The following TAAR5 variants were observed in gnomAD, a reference collection of about 807,000 sequenced individuals.
TAAR5 encodes the protein trace amine associated receptor 5, also known as trace amine-associated receptor 5.
In TAAR5, 27 loss-of-function variants were observed where a neutral mutation model predicts 21.1. The observed-to-expected ratio is 1.28, with a 90% confidence interval of 0.94 to 1.76. The LOEUF (loss-of-function observed/expected upper bound fraction) is 1.76, where lower values mean the gene tolerates loss of function less well. Among genes scored for constraint, TAAR5 ranks in the 40% most tolerant of loss-of-function variants. The probability of loss-of-function intolerance (pLI) is 0.00; values close to 1 mark genes in which losing one functional copy is unlikely to be tolerated. For missense variants in TAAR5, 495 were observed against 405.6 expected (o/e 1.22, Z -1.89); for synonymous variants, 203 against 167.5 (o/e 1.21, Z -1.64).
the TAAR5 span, among the ~76,000 whole-genome samples, chr6:132,606,954 G>T: frequency 2.0e-5 from 3 of 152,196 alleles, no homozygotes; most frequent in African/African-American, 7.2e-5. Context: ...CCAGCACTTT[G>T]GGAGGCTGAG....
chr6:132,598,693 C>T, the TAAR5 span, among the ~76,000 whole-genome samples: 7 of 152,162 alleles, frequency 4.6e-5, no homozygotes, highest in African/African-American at 9.7e-5. Context: ...TCACAACCTT[C>T]GGTGTGCTGC....
chr6:132,609,309 G>A, the TAAR5 span: 1 of 255,894 alleles, frequency 3.9e-6, no homozygotes, highest in African/African-American at 2.2e-5. Context: ...CTTTCCAGGA[G>A]GATGAGTCAC....
the TAAR5 span, among the ~76,000 whole-genome samples, chr6:132,607,895 G>C: frequency 6.6e-6 from 1 of 152,136 alleles, no homozygotes; most frequent in South Asian, 2.1e-4. Flanking sequence ...AGGAACCAAA[G>C]CCAACACTTT....
At chr6:132,592,439 T>G (rs750212069), upstream of TAAR5, among the ~76,000 whole-genome samples, 31 of 152,250 alleles carry the variant, frequency 2.0e-4, no homozygotes, top group Non-Finnish European at 7.3e-5. Flanking sequence ...TTTGCCTGCC[T>G]TTGAGAGCAC....
chr6:132,591,824 G>T (rs1261885126), upstream of TAAR5, among the ~76,000 whole-genome samples: 1 of 152,320 alleles, frequency 6.6e-6, no homozygotes, highest in Admixed American at 6.5e-5. Context: ...TGATCTCTAT[G>T]TCTCAGATTA....
At chr6:132,599,272 T>C in the TAAR5 span, among the ~76,000 whole-genome samples, 1 of 151,892 alleles carries the variant, frequency 6.6e-6, no homozygotes, top group African/African-American at 2.4e-5. Flanking sequence ...CACCACACAG[T>C]TGTTTTACTT....
In TAAR5 at chr6:132,589,274, T is replaced by C; in HGVS notation, c.413A>G (p.Asp138Gly). The change falls in exon 1 of 1, where the codon GAC becomes GGC. Residue 138 changes from aspartate (D) to glycine (G), a missense_variant. Physicochemically the swap from Asp to Gly is moderately conservative, Grantham distance 94. Coordinates refer to ENST00000258034, the MANE Select transcript of TAAR5 (RefSeq NM_003967.3). The part of the protein sequence containing the change: ...ISIDRHCAIC[D>G]PLLYPSKFTV... The stretch of plus-strand genomic sequence containing the variant: ...GAACTTGGAGGGATAGAGCAGGGGG[T>C]CACAGATGGCACAGTGGCGGTCAAT... The C allele has an allele frequency of 1.2e-6, 2 of 1,610,658 alleles. No homozygotes were observed. The highest frequency in any genetic ancestry group is 1.7e-6 in the Non-Finnish European group (2 of 1,178,248).
At chr6:132,605,619 C>G in the TAAR5 span, among the ~76,000 whole-genome samples, 1 of 152,160 alleles carries the variant, frequency 6.6e-6, no homozygotes, top group Non-Finnish European at 1.5e-5. Flanking sequence ...CATGCACACA[C>G]ACATACACAC....
chr6:132,595,499 G>A, the TAAR5 span: 1 of 152,164 alleles, frequency 6.6e-6, no homozygotes, highest in African/African-American at 2.4e-5. Context: ...TCAGTTCTGT[G>A]TGAGAAAGAC....
chr6:132,589,898 T>C (rs1026818986), upstream of TAAR5, among the ~76,000 whole-genome samples: 6 of 152,130 alleles, frequency 3.9e-5, no homozygotes, highest in African/African-American at 1.4e-4. Flanking sequence ...TGCAGCATAG[T>C]ATTCAAGGTT....
At chr6:132,601,772 C>T in the TAAR5 span, among the ~76,000 whole-genome samples, 1 of 152,056 alleles carries the variant, frequency 6.6e-6, no homozygotes, top group Non-Finnish European at 1.5e-5. Flanking sequence ...GTATGTAAAA[C>T]AACCAAGATT....
the TAAR5 span, among the ~76,000 whole-genome samples, chr6:132,616,459 G>C: frequency 2.0e-5 from 3 of 152,166 alleles, no homozygotes; most frequent in African/African-American, 7.2e-5. Context: ...GAAGACACTG[G>C]ACAGAGTTCT....
At chr6:132,607,169 C>A in the TAAR5 span, among the ~76,000 whole-genome samples, 1 of 151,704 alleles carries the variant, frequency 6.6e-6, no homozygotes, top group East Asian at 1.9e-4. Context: ...GACTCCAGCC[C>A]GGGTGACAGA....
At chr6:132,612,861 T>C in the TAAR5 span, among the ~76,000 whole-genome samples, 1 of 152,204 alleles carries the variant, frequency 6.6e-6, no homozygotes, top group Non-Finnish European at 1.5e-5. Flanking sequence ...AGTCCATGAA[T>C]ACATACGCAG....
the TAAR5 span, among the ~76,000 whole-genome samples, chr6:132,599,569 T>A: frequency 6.6e-6 from 1 of 152,062 alleles, no homozygotes; most frequent in Non-Finnish European, 1.5e-5. Flanking sequence ...CCTCAGGTGA[T>A]CCACCTGCAT....
upstream of TAAR5, chr6:132,589,829 A>G (rs1776880459): frequency 8.9e-6 from 6 of 674,228 alleles, no homozygotes; most frequent in Non-Finnish European, 1.4e-5. Context: ...ACTAAAGTAC[A>G]GTTTGGAACA....
chr6:132,613,029 G>T, the TAAR5 span, among the ~76,000 whole-genome samples: 1,193 of 152,218 alleles, frequency 7.8e-3, 6 homozygotes, highest in Non-Finnish European at 0.013. Flanking sequence ...TTCAACATGC[G>T]ATCAAATCTT....
the TAAR5 span, among the ~76,000 whole-genome samples, chr6:132,605,099 T>C: frequency 1.3e-5 from 2 of 152,154 alleles, no homozygotes; most frequent in African/African-American, 4.8e-5. Context: ...TGGTAAACTG[T>C]CATCTGAAAC....
upstream of TAAR5, chr6:132,594,688 C>CT (rs778253149): frequency 2.1e-4 from 31 of 150,642 alleles, no homozygotes; most frequent in East Asian, 2.9e-3. Context: ...TAGAGGATGC[C>CT]TTTTTTTTTG....
Sources: gnomAD v4.1 joint callset for allele counts (sites outside exome capture counted in the v4.1 genomes callset) on GRCh38, gnomAD v4.1.1 for gene constraint, MANE v1.5 for transcripts, NCBI Gene and HGNC (gene_info 2026-07-23, HGNC 2026-07-21) for gene names.